Variants in AP2A1 observed in about 807,000 individuals in gnomAD.
AP2A1 encodes the protein adaptor related protein complex 2 subunit alpha 1, also known as AP-2 complex subunit alpha-1.
Under a neutral mutation model 107.3 loss-of-function variants are expected in AP2A1, and 21 were observed. The ratio of observed to expected loss-of-function variants is 0.20; its 90% CI spans 0.14 to 0.28. The LOEUF (loss-of-function observed/expected upper bound fraction) is 0.28. Among genes scored for constraint, AP2A1 ranks in the 10% least tolerant of loss-of-function variants. AP2A1 has a pLI of 1.00. For synonymous variants in AP2A1, 602 were observed against 564.8 expected (o/e 1.07, Z -0.93); for missense variants, 873 against 1,307.7 (o/e 0.67, Z 5.13).
intron 15 of AP2A1, 58 bp downstream of exon 15, chr19:49,802,199 C>T (rs1477102180): frequency 1.5e-5 from 21 of 1,402,458 alleles, no homozygotes; most frequent in Non-Finnish European, 2.0e-5. Context: ...TGTCCCTTCT[C>T]GGCCTCTGTC....
intron 6 of AP2A1, among the ~76,000 whole-genome samples, chr19:49,794,606 T>C (rs1170941669): frequency 1.3e-5 from 2 of 152,172 alleles, no homozygotes; most frequent in Non-Finnish European, 2.9e-5. Context: ...CAGAGCTTCC[T>C]GGAGAAGGGC....
chr19:49,781,489 A>G (rs1454096430), intron 1 of AP2A1, among the ~76,000 whole-genome samples: 1 of 152,100 alleles, frequency 6.6e-6, no homozygotes, highest in East Asian at 1.9e-4. Flanking sequence ...AGCCCCACAA[A>G]TCAGGGGCCA....
At chr19:49,776,382 T>C (rs2084617782) in intron 1 of AP2A1, among the ~76,000 whole-genome samples, 1 of 152,130 alleles carries the variant, frequency 6.6e-6, no homozygotes, top group African/African-American at 2.4e-5. Flanking sequence ...AGCAGCTGTG[T>C]GCAGAGAAGC....
chr19:49,789,194 T>C (rs2073111880), intron 4 of AP2A1, among the ~76,000 whole-genome samples: 1 of 152,194 alleles, frequency 6.6e-6, no homozygotes, highest in Admixed American at 6.5e-5. Context: ...TTGGGTGCTT[T>C]CTGGGAAACC....
chr19:49,799,772 T>C lies in AP2A1; in HGVS notation c.1272+6T>C. ...ACGCCATCCGCGAGGAGATCGTGAG[T>C]GCTGTGGGGTGCGGGCTGGACTCTT... is the stretch of plus-strand genomic sequence containing the variant. On this transcript the variant is annotated splice_donor_region_variant and intron_variant, in intron 10 of 22. Transcript: ENST00000354293. 1 of 1,611,964 alleles carries C rather than the reference T, an allele frequency of 6.2e-7. No individual in the cohort carries two copies. Among genetic ancestry groups the C allele is most frequent in the South Asian group, 1.1e-5 (1 of 90,980 alleles).
intron 5 of AP2A1, 65 bp from the exon 6 acceptor site, chr19:49,792,926 T>C: frequency 7.2e-7 from 1 of 1,398,070 alleles, no homozygotes; most frequent in Non-Finnish European, 9.9e-7. Context: ...GTCCCGCTCC[T>C]GAGCCTCTGC....
intron 4 of AP2A1, 27 bp downstream of exon 4, chr19:49,782,751 T>G: frequency 6.6e-7 from 1 of 1,515,516 alleles, no homozygotes; most frequent in East Asian, 2.5e-5. Context: ...CCGTTGGCAG[T>G]GGGGGGCCTG....
rs2073101199 is a variant in AP2A1 at position 49,788,475 on chromosome 19, C to T, written c.474-3460C>T. Among the ~76,000 whole-genome samples the T allele has an allele frequency of 6.6e-6, 1 of 152,074 alleles. No homozygotes were observed. The highest frequency in any genetic ancestry group is 2.4e-5 in the African/African-American group (1 of 41,394). Reference sequence around the variant, plus strand: ...GGAACACTTAGAGCAGAGTTTGGCCCAGAGTCAGGACTCGGGAGATGCGCT... The same window carrying T: ...GGAACACTTAGAGCAGAGTTTGGCCTAGAGTCAGGACTCGGGAGATGCGCT... On this transcript the variant is annotated intron_variant, in intron 4 of 22. Coordinates refer to ENST00000354293, the MANE Select transcript of AP2A1 (RefSeq NM_130787.3). This position sits in a 1 kb window ranked among gnomAD's most constrained non-coding sequence, Gnocchi z 4.5.
intron 4 of AP2A1, among the ~76,000 whole-genome samples, chr19:49,783,646 G>T (rs1391128444): frequency 6.6e-6 from 1 of 152,222 alleles, no homozygotes; most frequent in African/African-American, 2.4e-5. Context: ...GAGAAGCCGG[G>T]CACCCAAGCA....
In AP2A1 at chr19:49,800,910, G is replaced by T. The variant is rs371805104; in HGVS notation, c.1456-51G>T. ...GTAGGTGGCTGCACCCACCGATCCC[G>T]GAGAGGGCGCTCATTGTTGTCCTCT... On this transcript the variant is annotated intron_variant, in intron 11 of 22. Coordinates refer to ENST00000354293, the MANE Select transcript of AP2A1 (RefSeq NM_130787.3). 6.0e-6 allele frequency: 9 copies of T among 1,493,322 alleles called. No homozygotes were observed. In the African/African-American group the frequency reaches 1.3e-4, roughly 21 times the overall value. 92.5% of individuals were successfully genotyped at this position (1,493,322 alleles called of 1,614,324 possible). A position where few individuals can be genotyped will look rare whatever the true frequency, so the allele number is the denominator to read the frequency against.
chr19:49,771,628 C>T lies in AP2A1; in HGVS notation c.67+4428C>T, dbSNP rs867036868. ...TTCACCATGTTGGCCAGGCTGGTCT[C>T]GAACTCCTGATCTCGAGTGATCTGC... On this transcript the variant is annotated intron_variant, in intron 1 of 22. Transcript: ENST00000354293. Among the ~76,000 whole-genome samples, 3 of 152,058 alleles carry T rather than the reference C, an allele frequency of 2.0e-5. No homozygotes were observed. In the South Asian group the frequency reaches 6.2e-4, roughly 32 times the overall value.
chr19:49,776,586 T>G (rs2084619605), intron 1 of AP2A1, among the ~76,000 whole-genome samples: 1 of 151,926 alleles, frequency 6.6e-6, no homozygotes, highest in South Asian at 2.1e-4. Context: ...CCTTTAAAAC[T>G]CTCTCACAGG....
Position 49,805,786 on chromosome 19 carries a change from T to C in AP2A1, c.2585+9T>C. 1 of 730,908 alleles carries C rather than the reference T, an allele frequency of 1.4e-6. No individual in the cohort carries two copies. The highest frequency in any genetic ancestry group is 4.0e-5 in the Admixed American group (1 of 24,934). The allele number at this position is 730,908 out of a possible 1,614,324, so 45.3% of individuals were successfully genotyped here. A position where few individuals can be genotyped will look rare whatever the true frequency, so the allele number is the denominator to read the frequency against. ...TGGAAGCAGCTGAGCCTGTGAGGGG[T>C]GGGGAGGGGGCGGAGCCAAAGCCGC... On this transcript the variant is annotated intron_variant, in intron 20 of 22. Coordinates refer to ENST00000354293, the MANE Select transcript of AP2A1 (RefSeq NM_130787.3).
At position 49,806,160 on chromosome 19, in the gene AP2A1, C is replaced by A. The variant is rs1299833317; in HGVS notation, c.2697C>A (p.Pro899=). ...CTGCTCTCCTGGACAATGTGGACCC[C>A]AACCCTGAGAACTTCGTGGGGGCGG... The part of the protein sequence containing the change: ...FGSALLDNVD[P]NPENFVGAGI... Residue 899 remains proline (P), a synonymous_variant, in exon 22 of 23, where the codon CCC becomes CCA. Coordinates refer to ENST00000354293, the MANE Select transcript of AP2A1 (RefSeq NM_130787.3). 1 of 1,578,138 alleles carries A rather than the reference C, an allele frequency of 6.3e-7. No homozygotes were observed. Among genetic ancestry groups the A allele is most frequent in the East Asian group, 2.3e-5 (1 of 42,734 alleles).
Position 49,795,488 on chromosome 19 carries a change from C to T in AP2A1, c.706-142C>T, listed in dbSNP as rs1438598738. 5 of 635,732 alleles carry T rather than the reference C, an allele frequency of 7.9e-6. No individual in the cohort carries two copies. In the Admixed American group the frequency reaches 1.0e-4, roughly 13 times the overall value. The allele number at this position is 635,732 out of a possible 1,614,324, so 39.4% of individuals were successfully genotyped here. A position where few individuals can be genotyped will look rare whatever the true frequency, so the allele number is the denominator to read the frequency against. On this transcript the variant is annotated intron_variant, in intron 6 of 22. Coordinates refer to ENST00000354293, the MANE Select transcript of AP2A1 (RefSeq NM_130787.3). ...CCTGGGCAACATAGTGAGACCCTGT[C>T]TCTACAAAAAAAACCCACTAACAAA... is the stretch of plus-strand genomic sequence containing the variant.
intron 1 of AP2A1, among the ~76,000 whole-genome samples, chr19:49,773,250 G>A (rs779605914): frequency 6.6e-6 from 1 of 152,198 alleles, no homozygotes; most frequent in Non-Finnish European, 1.5e-5. Context: ...AGGGAGCAAG[G>A]GCTGGGGCTG....
intron 11 of AP2A1, 49 bp from the exon 12 acceptor site, chr19:49,800,912 A>G (rs2073270275): frequency 6.7e-7 from 1 of 1,495,442 alleles, no homozygotes; most frequent in Admixed American, 2.1e-5. Context: ...CCGATCCCGG[A>G]GAGGGCGCTC....
chr19:49,776,888 A>T (rs2084622293), intron 1 of AP2A1, among the ~76,000 whole-genome samples: 1 of 152,166 alleles, frequency 6.6e-6, no homozygotes, highest in South Asian at 2.1e-4. Flanking sequence ...AAATTATACC[A>T]GTTATGCAGA....
chr19:49,793,515 G>A (rs1234916900), intron 6 of AP2A1, among the ~76,000 whole-genome samples: 4 of 151,974 alleles, frequency 2.6e-5, no homozygotes, highest in Non-Finnish European at 2.9e-5. Flanking sequence ...CCTGCCTGGC[G>A]TCCCTCTCCC....
Sources: allele counts gnomAD v4.1 joint callset (sites outside exome capture counted in the v4.1 genomes callset), GRCh38; gene constraint gnomAD v4.1.1; non-coding constraint Gnocchi (gnomAD v3.1); transcripts MANE v1.5; gene names NCBI Gene and HGNC (gene_info 2026-07-23, HGNC 2026-07-21).